Variants in SHISA9 observed in about 807,000 individuals in gnomAD.
SHISA9 encodes the protein protein shisa-9.
In SHISA9, 13 loss-of-function variants were observed where a neutral mutation model predicts 38.0. The ratio of observed to expected loss-of-function variants is 0.34; its 90% CI spans 0.22 to 0.54. The LOEUF (loss-of-function observed/expected upper bound fraction) is 0.54. Among genes scored for constraint, SHISA9 ranks in the 20% least tolerant of loss-of-function variants. The probability of loss-of-function intolerance (pLI) is 0.91; values close to 1 mark genes in which losing one functional copy is unlikely to be tolerated. For missense variants in SHISA9, 538 were observed against 575.8 expected (o/e 0.93, Z 0.67); for synonymous variants, 275 against 242.0 (o/e 1.14, Z -1.27).
the SHISA9 span, among the ~76,000 whole-genome samples, chr16:13,541,599 G>A: frequency 6.6e-6 from 1 of 152,152 alleles, no homozygotes; most frequent in South Asian, 2.1e-4. Context: ...TAAGAAAAGA[G>A]CACACAGTTA....
downstream of SHISA9, among the ~76,000 whole-genome samples, chr16:13,241,225 C>G (rs943645876): frequency 6.6e-6 from 1 of 152,170 alleles, no homozygotes; most frequent in Non-Finnish European, 1.5e-5. Context: ...TGTCAAGAAT[C>G]CCTAGGCAGC....
At chr16:13,215,025 T>C (rs1455702582) in intron 4 of SHISA9, among the ~76,000 whole-genome samples, 1 of 151,840 alleles carries the variant, frequency 6.6e-6, no homozygotes. Flanking sequence ...TGGACTAGAG[T>C]TGCAGACACC....
At chr16:13,216,790 C>T (rs191305843) in intron 4 of SHISA9, among the ~76,000 whole-genome samples, 1 of 152,274 alleles carries the variant, frequency 6.6e-6, no homozygotes, top group Non-Finnish European at 1.5e-5. Context: ...TAATGACTCC[C>T]TTTGGAGTGT....
At chr16:13,315,954 C>T in the SHISA9 span, among the ~76,000 whole-genome samples, 170 of 151,908 alleles carry the variant, frequency 1.1e-3, 4 homozygotes, top group East Asian at 0.03. Flanking sequence ...AACTGTTGCT[C>T]ACTACATATT....
At chr16:12,934,851 ATTC>A (rs2071508210) in intron 2 of SHISA9, among the ~76,000 whole-genome samples, 1 of 152,304 alleles carries the variant, frequency 6.6e-6, no homozygotes, top group African/African-American at 2.4e-5. Context: ...ACAAAAGTCA[ATTC>A]TTCTTCAGAC....
At chr16:13,482,873 T>C in the SHISA9 span, among the ~76,000 whole-genome samples, 3 of 150,718 alleles carry the variant, frequency 2.0e-5, no homozygotes, top group Non-Finnish European at 4.4e-5. Flanking sequence ...TCCTCCAACC[T>C]AGATCTGTCT....
chr16:13,026,671 C>T (rs951062884), intron 2 of SHISA9, among the ~76,000 whole-genome samples: 2 of 152,100 alleles, frequency 1.3e-5, no homozygotes, highest in African/African-American at 4.8e-5. Context: ...GCAGCTGCAC[C>T]CTTTTATATT....
intron 2 of SHISA9, among the ~76,000 whole-genome samples, chr16:13,190,652 T>C (rs923993527): frequency 1.3e-5 from 2 of 152,226 alleles, no homozygotes; most frequent in Non-Finnish European, 2.9e-5. Context: ...TATCCCGCCA[T>C]GCTGCGGATC....
At chr16:13,492,397 T>G in the SHISA9 span, among the ~76,000 whole-genome samples, 24 of 152,266 alleles carry the variant, frequency 1.6e-4, no homozygotes, top group African/African-American at 5.8e-4. Context: ...CCTTTTTACT[T>G]CAGAATCTGA....
chr16:13,073,536 C>T (rs1213765095), intron 2 of SHISA9, among the ~76,000 whole-genome samples: 2 of 152,136 alleles, frequency 1.3e-5, no homozygotes, highest in African/African-American at 4.8e-5. Flanking sequence ...CCAGCTCAGA[C>T]CTAGTGAGTC....
chr16:13,019,976 C>G (rs191297391), intron 2 of SHISA9, among the ~76,000 whole-genome samples: 284 of 74,846 alleles, frequency 3.8e-3, no homozygotes, highest in Non-Finnish European at 6.6e-3. Flanking sequence ...TCTTTCCTTC[C>G]TTCCTTCCTT....
intron 2 of SHISA9, among the ~76,000 whole-genome samples, chr16:13,050,680 A>G (rs1411401367): frequency 6.6e-6 from 1 of 152,238 alleles, no homozygotes. Context: ...TAATAAAAAA[A>G]TGCAGTAACC....
At chr16:13,552,064 C>T in the SHISA9 span, among the ~76,000 whole-genome samples, 14 of 152,022 alleles carry the variant, frequency 9.2e-5, no homozygotes, top group Non-Finnish European at 1.5e-4. Context: ...GAGGTGGGGA[C>T]GCATTTTGCT....
the SHISA9 span, among the ~76,000 whole-genome samples, chr16:13,246,648 A>G: frequency 6.6e-6 from 1 of 152,136 alleles, no homozygotes; most frequent in African/African-American, 2.4e-5. Flanking sequence ...CTCAGTCAGC[A>G]TGAGTCTCTA....
intron 2 of SHISA9, among the ~76,000 whole-genome samples, chr16:12,973,740 T>C (rs7185172): frequency 0.56 from 85,635 of 151,972 alleles, 24,419 homozygotes; most frequent in East Asian, 0.59. Flanking sequence ...ACATTAAGAC[T>C]CCTAGAGGTG....
the SHISA9 span, among the ~76,000 whole-genome samples, chr16:13,357,524 G>A: frequency 6.6e-6 from 1 of 152,180 alleles, no homozygotes; most frequent in East Asian, 1.9e-4. Flanking sequence ...CAGGAGGACA[G>A]GGGATTGGTC....
intron 2 of SHISA9, among the ~76,000 whole-genome samples, chr16:12,943,440 C>T (rs1283293542): frequency 1.3e-5 from 2 of 149,928 alleles, no homozygotes; most frequent in Non-Finnish European, 3.0e-5. Context: ...AATGACGAAA[C>T]CTCTACCTAC....
At chr16:13,066,116 A>C (rs1198967448) in intron 2 of SHISA9, among the ~76,000 whole-genome samples, 1 of 152,172 alleles carries the variant, frequency 6.6e-6, no homozygotes, top group African/African-American at 2.4e-5. Context: ...CCAGTGTCTG[A>C]TTCTCCACAT....
chr16:13,453,443 T>G, the SHISA9 span, among the ~76,000 whole-genome samples: 1 of 151,520 alleles, frequency 6.6e-6, no homozygotes, highest in Non-Finnish European at 1.5e-5. Context: ...CCTGTGTGAG[T>G]TTTTTCTTGC....
Sources: gnomAD v4.1 joint callset for allele counts (sites outside exome capture counted in the v4.1 genomes callset) on GRCh38, gnomAD v4.1.1 for gene constraint, MANE v1.5 for transcripts, NCBI Gene and HGNC (gene_info 2026-07-23, HGNC 2026-07-21) for gene names.